Variants in FKBP5 observed in about 807,000 individuals in gnomAD.
FKBP5 encodes FKBP prolyl isomerase 5.
In FKBP5, 23 loss-of-function variants were observed where a neutral mutation model predicts 50.5. The observed-to-expected ratio is 0.46, with a 90% CI of 0.33 to 0.65. The LOEUF (loss-of-function observed/expected upper bound fraction) is 0.65. FKBP5 is among the 30% of genes least tolerant of loss of function. The pLI is 0.02. For missense variants in FKBP5, 411 were observed against 553.1 expected (o/e 0.74, Z 2.58); for synonymous variants, 176 against 190.6 (o/e 0.92, Z 0.63).
At chr6:35,690,581 CT>C (rs1409464560), upstream of FKBP5, among the ~76,000 whole-genome samples, 11 of 152,292 alleles carry the variant, frequency 7.2e-5, no homozygotes, top group African/African-American at 2.4e-4. Flanking sequence ...TGCCTAGAAG[CT>C]TCCCTGTTTA....
chr6:35,707,028 C>T lies in FKBP5; in HGVS notation c.-20+13300G>A, dbSNP rs546395162. Among the ~76,000 whole-genome samples the T allele has an allele frequency of 4.1e-4, 63 of 152,106 alleles. No homozygotes were observed. In the South Asian group the frequency reaches 6.7e-3, roughly 16 times the overall value. On this transcript the variant is annotated intron_variant, in intron 2 of 11. Coordinates refer to the FKBP5 transcript ENST00000536438. ...TGTATAGTTAAATGTAATTAAAGTCCCAGTGGAACTTTATGGAAAGATATG... is the reference window on the plus strand; with the variant it reads ...TGTATAGTTAAATGTAATTAAAGTCTCAGTGGAACTTTATGGAAAGATATG...
At chr6:35,688,411 C>G (rs1464194128) in intron 1 of FKBP5, among the ~76,000 whole-genome samples, 1 of 152,002 alleles carries the variant, frequency 6.6e-6, no homozygotes, top group Admixed American at 6.5e-5. Flanking sequence ...GGCCAGAGAC[C>G]GGAGGCGGAG....
At chr6:35,576,083 C>A in intron 10 of FKBP5, 141 bp from the exon 11 acceptor site, 1 of 679,206 alleles carries the variant, frequency 1.5e-6, no homozygotes, top group East Asian at 2.5e-5. Context: ...TAGGTCAGGG[C>A]TGTGCTACCA....
chr6:35,633,655 G>A (rs1483464495), intron 3 of FKBP5, among the ~76,000 whole-genome samples: 2 of 151,992 alleles, frequency 1.3e-5, no homozygotes, highest in East Asian at 3.8e-4. Context: ...TTTTACCAGA[G>A]GTATATTGCT....
intron 3 of FKBP5, among the ~76,000 whole-genome samples, chr6:35,629,900 A>G (rs921914279): frequency 6.6e-6 from 1 of 152,232 alleles, no homozygotes; most frequent in Non-Finnish European, 1.5e-5. Context: ...AAAAAATTAA[A>G]TATTTTAGCC....
rs145987281 is a variant in FKBP5 at position 35,700,518 on chromosome 6, G to A, written c.-20+19810C>T. On this transcript the variant is annotated intron_variant, in intron 2 of 11. Transcript: ENST00000536438. ...CAGGGTATCCACCTTGGTAGGCCCC[G>A]AACTCCAAATTCATACCCTTAATCC... Among the ~76,000 whole-genome samples, 705 of 152,244 alleles carry A rather than the reference G, an allele frequency of 4.6e-3. 3 individuals are homozygous for A. The highest frequency in any genetic ancestry group is 0.024 in the Middle Eastern group (7 of 294).
intron 1 of FKBP5, among the ~76,000 whole-genome samples, chr6:35,687,779 A>G (rs1017196008): frequency 2.0e-5 from 3 of 152,174 alleles, no homozygotes; most frequent in Admixed American, 2.0e-4. Context: ...CCTGAACCAC[A>G]CTGAAGGGTA....
chr6:35,586,606 C>CA (rs1319725627), intron 8 of FKBP5: 42,338 of 712,420 alleles, frequency 0.059, 1 homozygote, highest in Non-Finnish European at 0.064. Flanking sequence ...GTCTCTCATA[C>CA]AAAAAAAAAA....
intron 1 of FKBP5, among the ~76,000 whole-genome samples, chr6:35,646,114 T>C (rs761279760): frequency 3.3e-5 from 5 of 152,056 alleles, no homozygotes; most frequent in Non-Finnish European, 5.9e-5. Context: ...AGACTCTTTC[T>C]CAAAAAAAAG....
chr6:35,691,758 G>T (rs1008656492), upstream of FKBP5, among the ~76,000 whole-genome samples: 4 of 152,184 alleles, frequency 2.6e-5, no homozygotes, highest in African/African-American at 9.7e-5. Flanking sequence ...AGAATTCAAA[G>T]ATGACATGCG....
At chr6:35,584,254 C>T (rs1046881421) in intron 8 of FKBP5, 2 of 985,272 alleles carry the variant, frequency 2.0e-6, no homozygotes, top group African/African-American at 3.5e-5. Flanking sequence ...CTTTAGTATT[C>T]AGAGGTTGAA....
intron 1 of FKBP5, among the ~76,000 whole-genome samples, chr6:35,651,409 T>C (rs1041585785): frequency 6.6e-6 from 1 of 152,172 alleles, no homozygotes; most frequent in Admixed American, 6.5e-5. Context: ...GATTGCTTTT[T>C]ATGGAGAGCA....
At chr6:35,687,353 C>G (rs1464923363) in intron 1 of FKBP5, among the ~76,000 whole-genome samples, 1 of 152,064 alleles carries the variant, frequency 6.6e-6, no homozygotes. Context: ...GAGAGACAAA[C>G]AGAAAATGGT....
chr6:35,671,618 T>C (rs1412223297), intron 1 of FKBP5, among the ~76,000 whole-genome samples: 1 of 152,108 alleles, frequency 6.6e-6, no homozygotes, highest in Non-Finnish European at 1.5e-5. Context: ...CTAAAGAAGT[T>C]AAATTACAAA....
intron 1 of FKBP5, among the ~76,000 whole-genome samples, chr6:35,644,309 G>A (rs1240670383): frequency 6.6e-6 from 1 of 152,198 alleles, no homozygotes; most frequent in Non-Finnish European, 1.5e-5. Context: ...TACACATTAG[G>A]CTAATAACAA....
upstream of FKBP5, among the ~76,000 whole-genome samples, chr6:35,689,647 C>A (rs1765945325): frequency 1.3e-5 from 2 of 151,942 alleles, no homozygotes; most frequent in African/African-American, 4.8e-5. Flanking sequence ...TCGAGACCAT[C>A]CTAGCCAACA....
chr6:35,679,716 A>G (rs1399336994), intron 1 of FKBP5, among the ~76,000 whole-genome samples: 3 of 152,190 alleles, frequency 2.0e-5, no homozygotes, highest in Admixed American at 2.0e-4. Flanking sequence ...GTGGGAGATA[A>G]ACTATGAGTA....
At chr6:35,616,185 T>G (rs1357325684) in intron 5 of FKBP5, among the ~76,000 whole-genome samples, 1 of 151,612 alleles carries the variant, frequency 6.6e-6, no homozygotes, top group Non-Finnish European at 1.5e-5. Flanking sequence ...CATGGTGGCG[T>G]GCGCCTATAG....
rs1284206248 is a variant in FKBP5, at chr6:35,575,778, G to A, written c.*57C>T. 9.1e-7 allele frequency: 1 copy of A among 1,099,256 alleles called. No homozygotes were observed. Among genetic ancestry groups the A allele is most frequent in the Non-Finnish European group, 1.4e-6 (1 of 709,868 alleles). The allele number at this position is 1,099,256 out of a possible 1,614,324, so 68.1% of individuals were successfully genotyped here. On this transcript the variant is annotated 3_prime_UTR_variant, in exon 11 of 11. Transcript: ENST00000357266. ...AACACTGTTCTGTCCTGAGTTGGGG[G>A]AAAGCCCATTGAGGAGGGGCCGAGT...
Sources: allele counts gnomAD v4.1 joint callset (sites outside exome capture counted in the v4.1 genomes callset), GRCh38; gene constraint gnomAD v4.1.1; transcripts MANE v1.5; gene names NCBI Gene and HGNC (gene_info 2026-07-23, HGNC 2026-07-21).